Variants in CFTR observed in about 807,000 individuals in gnomAD.
CFTR encodes cystic fibrosis transmembrane conductance regulator.
In CFTR, 181 loss-of-function variants were observed where a neutral mutation model predicts 171.6. That is an observed-to-expected ratio of 1.05 (90% CI 0.93 to 1.19). The LOEUF (loss-of-function observed/expected upper bound fraction) is 1.19. CFTR is among the 50% of genes most tolerant of loss of function. CFTR has a pLI of 0.00. For synonymous variants in CFTR, 583 were observed against 608.0 expected (o/e 0.96, Z 0.60); for missense variants, 1,968 against 1,734.7 (o/e 1.13, Z -2.39).
chr7:117,574,415 A>G (rs1480246220), intron 11 of CFTR, among the ~76,000 whole-genome samples: 4 of 152,086 alleles, frequency 2.6e-5, no homozygotes, highest in Admixed American at 2.0e-4. Flanking sequence ...TCTCTGAAAC[A>G]CTTATTATTA....
In CFTR at chr7:117,665,506, G is replaced by T. The variant is rs1330281974; in HGVS notation, c.4184G>T (p.Cys1395Phe). Residue 1395 changes from cysteine (C) to phenylalanine (F), a missense_variant, in exon 26 of 27, where the codon TGC becomes TTC. Physicochemically the swap from Cys to Phe is radical, Grantham distance 205. Coordinates refer to ENST00000003084, the MANE Select transcript of CFTR (RefSeq NM_000492.4). ...ACTCTAAAACAAGCATTTGCTGATT[G>T]CACAGTAATTCTCTGTGAACACAGG... is the stretch of plus-strand genomic sequence containing the variant. ...RRTLKQAFAD[C>F]TVILCEHRIE... 28 of 1,613,226 alleles carry T rather than the reference G, an allele frequency of 1.7e-5. No homozygotes were observed. The Admixed American group carries it at 4.2e-4, about 24-fold the overall frequency.
chr7:117,656,470 A>G (rs1322650721), intron 24 of CFTR, among the ~76,000 whole-genome samples: 1 of 152,170 alleles, frequency 6.6e-6, no homozygotes, highest in African/African-American at 2.4e-5. Flanking sequence ...TATAGGAAAT[A>G]TATTAACTAA....
chr7:117,483,196 CT>C (rs1369217743), intron 1 of CFTR, among the ~76,000 whole-genome samples: 1 of 152,088 alleles, frequency 6.6e-6, no homozygotes, highest in African/African-American at 2.4e-5. Flanking sequence ...TTCAAAATAG[CT>C]ATCTAATAAA....
intron 10 of CFTR, among the ~76,000 whole-genome samples, chr7:117,551,803 G>C (rs1799275795): frequency 6.6e-6 from 1 of 152,154 alleles, no homozygotes; most frequent in South Asian, 2.1e-4. Context: ...TGTGTGGGGA[G>C]TTTCAGTCCT....
chr7:117,616,964 C>T (rs1792501032), intron 21 of CFTR, among the ~76,000 whole-genome samples: 1 of 152,098 alleles, frequency 6.6e-6, no homozygotes, highest in African/African-American at 2.4e-5. Flanking sequence ...TTCACCTCAG[C>T]ATATGTTGAG....
intron 11 of CFTR, among the ~76,000 whole-genome samples, chr7:117,572,999 A>G (rs965938053): frequency 6.6e-6 from 1 of 151,948 alleles, no homozygotes; most frequent in Non-Finnish European, 1.5e-5. Context: ...AAATATTGCA[A>G]AATTACACAG....
At chr7:117,531,976 AC>A (rs1455123501) in intron 4 of CFTR, among the ~76,000 whole-genome samples, 3 of 152,140 alleles carry the variant, frequency 2.0e-5, no homozygotes, top group Non-Finnish European at 4.4e-5. Context: ...CTAGCAAATA[AC>A]CCATAACACT....
chr7:117,595,226 T>C (rs1012561334), intron 15 of CFTR, among the ~76,000 whole-genome samples, 168 bp downstream of exon 15: 2 of 151,522 alleles, frequency 1.3e-5, no homozygotes, highest in Non-Finnish European at 2.9e-5. Flanking sequence ...TATGTATATA[T>C]TACATATATT....
At chr7:117,637,849 T>C (rs1323511459) in intron 22 of CFTR, among the ~76,000 whole-genome samples, 2 of 152,008 alleles carry the variant, frequency 1.3e-5, no homozygotes, top group Non-Finnish European at 2.9e-5. Flanking sequence ...TGCAGTCTAG[T>C]CTGGGTGACA....
At chr7:117,540,891 T>A (rs1799040954) in intron 8 of CFTR, among the ~76,000 whole-genome samples, 1 of 152,146 alleles carries the variant, frequency 6.6e-6, no homozygotes, top group Non-Finnish European at 1.5e-5. Flanking sequence ...ACCTTTCATT[T>A]AAAAAATTTG....
rs1798140062 is a variant in CFTR at position 117,490,351 on chromosome 7, ACAC to A, written c.53+10205_53+10207del. On this transcript the variant is annotated intron_variant, in intron 1 of 26. Transcript: ENST00000003084. ...CACACACACACACACACACACACAC[ACAC>A]AATTTATTATAAGGAATTGACTTAC... Among the ~76,000 whole-genome samples, 5 of 146,626 alleles carry A rather than the reference ACAC, an allele frequency of 3.4e-5. No individual in the cohort carries two copies. The South Asian group carries it at 1.1e-3, about 32-fold the overall frequency.
rs1417435640 is a variant in CFTR at position 117,611,602 on chromosome 7, A to T, written c.3161A>T (p.His1054Leu). 1 of 1,611,558 alleles carries T rather than the reference A, an allele frequency of 6.2e-7. No individual in the cohort carries two copies. Among genetic ancestry groups the T allele is most frequent in the Non-Finnish European group, 8.5e-7 (1 of 1,177,972 alleles). ...ACAGGCAGGAGTCCAATTTTCACTC[A>T]TCTTGTTACAAGCTTAAAAGGACTA... ...ESEGRSPIFTHLVTSLKGLWT... is the reference protein window; with the variant it reads ...ESEGRSPIFTLLVTSLKGLWT... The change falls in exon 20 of 27, where the codon CAT (histidine) becomes CTT (leucine). Residue 1054 changes from histidine to leucine, a missense_variant. Physicochemically the swap from His to Leu is moderately conservative, Grantham distance 99 (BLOSUM62 -3). Transcript: ENST00000003084.
chr7:117,540,455 C>A (rs1408323001), intron 8 of CFTR, 109 bp downstream of exon 8: 6 of 1,030,114 alleles, frequency 5.8e-6, no homozygotes, highest in Non-Finnish European at 8.5e-6. Context: ...AAGAAATTTC[C>A]TTCACTAGGA....
intron 9 of CFTR, among the ~76,000 whole-genome samples, chr7:117,548,342 G>A (rs1051595113): frequency 6.6e-6 from 1 of 151,644 alleles, no homozygotes; most frequent in African/African-American, 2.4e-5. Context: ...GGGTGTGTGT[G>A]TGTGTGTGTG....
rs1394128722 is a variant in CFTR, at chr7:117,627,773, G to A, written c.3717+3G>A. 1 of 1,609,924 alleles carries A rather than the reference G, an allele frequency of 6.2e-7. No homozygotes were observed. Among genetic ancestry groups the A allele is most frequent in the Admixed American group, 1.7e-5 (1 of 59,968 alleles). Reference sequence around the variant, plus strand: ...TCTCAATAAGTCCTGGCCAGAGGGTGAGATTTGAACACTGCTTGCTTTGTT... The same window carrying A: ...TCTCAATAAGTCCTGGCCAGAGGGTAAGATTTGAACACTGCTTGCTTTGTT... On this transcript the variant is annotated splice_donor_region_variant and intron_variant, in intron 22 of 26. Transcript: ENST00000003084.
At position 117,595,410 on chromosome 7, in the gene CFTR, G is replaced by A. The variant is rs187879378; in HGVS notation, c.2619+352G>A. 2.6e-3 allele frequency among the ~76,000 whole-genome samples: 386 copies of A among 150,252 alleles called. 4 individuals are homozygous for A. Among genetic ancestry groups the A allele is most frequent in the African/African-American group, 8.8e-3 (361 of 41,242 alleles). On this transcript the variant is annotated intron_variant, in intron 15 of 26. Transcript: ENST00000003084. The stretch of plus-strand genomic sequence containing the variant: ...TTTAATAATAAAGGTTAAGAGATTC[G>A]AAAGCTCAAAGTAGAAGGCTTTTAT...
At chr7:117,652,785 AAAT>A in intron 23 of CFTR, 54 bp from the exon 24 acceptor site, 2 of 881,726 alleles carry the variant, frequency 2.3e-6, no homozygotes, top group Non-Finnish European at 3.7e-6. Context: ...AATAAGGGAA[AAAT>A]AAAAAGTTAT....
chr7:117,613,981 C>T (rs1584823821), intron 20 of CFTR, among the ~76,000 whole-genome samples: 5 of 125,656 alleles, frequency 4.0e-5, no homozygotes, highest in Admixed American at 8.0e-5. Context: ...AAGTGTTGTT[C>T]TTCCCAGGTA....
chr7:117,524,815 G>T (rs59961270), intron 3 of CFTR, among the ~76,000 whole-genome samples: 7 of 152,128 alleles, frequency 4.6e-5, no homozygotes, highest in African/African-American at 1.7e-4. Flanking sequence ...GCAGTGCTTA[G>T]AATAAATGAG....
Sources: gnomAD v4.1 joint callset for allele counts (sites outside exome capture counted in the v4.1 genomes callset) on GRCh38, gnomAD v4.1.1 for gene constraint, MANE v1.5 for transcripts, NCBI Gene and HGNC (gene_info 2026-07-23, HGNC 2026-07-21) for gene names.